The following FAM227B variants were observed in gnomAD, a reference collection of about 807,000 sequenced individuals.
FAM227B encodes the protein protein FAM227B.
FAM227B carries 88 observed loss-of-function variants against 73.8 expected under a neutral mutation model. The ratio of observed to expected loss-of-function variants is 1.19; its 90% CI spans 1.00 to 1.42. The LOEUF (loss-of-function observed/expected upper bound fraction) is 1.42, where lower values mean the gene tolerates loss of function less well. Ranked by LOEUF, FAM227B falls within the 40% of genes most tolerant of loss-of-function variation. The probability of loss-of-function intolerance (pLI) is 0.00; values close to 1 mark genes in which losing one functional copy is unlikely to be tolerated. For synonymous variants in FAM227B, 210 were observed against 190.5 expected, an observed-to-expected ratio of 1.10 and a Z score of -0.84; for missense variants, 632 against 590.9, an observed-to-expected ratio of 1.07 and a Z score of -0.72.
intron 9 of FAM227B, among the ~76,000 whole-genome samples, chr15:49,557,785 A>G (rs559173071): frequency 8.5e-5 from 13 of 152,210 alleles, no homozygotes; most frequent in Non-Finnish European, 1.6e-4. Context: ...GAGCCTCCAG[A>G]TTGAGATGGA....
intron 11 of FAM227B, among the ~76,000 whole-genome samples, chr15:49,479,243 T>TTG (rs2055655973): frequency 6.6e-6 from 1 of 151,628 alleles, no homozygotes; most frequent in Non-Finnish European, 1.5e-5. Context: ...CATGAGCTGA[T>TTG]TCTCTCTCTC....
At chr15:49,510,657 T>G (rs1313927689) in intron 10 of FAM227B, among the ~76,000 whole-genome samples, 4 of 152,138 alleles carry the variant, frequency 2.6e-5, no homozygotes, top group Non-Finnish European at 5.9e-5. Flanking sequence ...GAGATTCAAT[T>G]TACATGTCTC....
chr15:49,501,424 C>T (rs2058122502), intron 11 of FAM227B, among the ~76,000 whole-genome samples: 1 of 152,172 alleles, frequency 6.6e-6, no homozygotes, highest in South Asian at 2.1e-4. Flanking sequence ...TGCATTGTTT[C>T]CCTGCCCTAG....
At chr15:49,461,754 T>G (rs906726370) in intron 11 of FAM227B, among the ~76,000 whole-genome samples, 8 of 152,266 alleles carry the variant, frequency 5.3e-5, no homozygotes, top group Non-Finnish European at 7.3e-5. Flanking sequence ...AGATACCATG[T>G]GAAATTCAAG....
intron 13 of FAM227B, chr15:49,344,319 T>A (rs1158403033): frequency 6.6e-6 from 1 of 151,966 alleles, no homozygotes; most frequent in African/African-American, 2.4e-5. Flanking sequence ...AATGGTATGG[T>A]TGCTTTCTTT....
chr15:49,384,815 T>C (rs2046777363), intron 11 of FAM227B, among the ~76,000 whole-genome samples: 1 of 152,042 alleles, frequency 6.6e-6, no homozygotes, highest in Non-Finnish European at 1.5e-5. Context: ...CCTTATCTTA[T>C]TTTCTTGCTG....
intron 11 of FAM227B, among the ~76,000 whole-genome samples, chr15:49,435,135 T>C (rs1037926078): frequency 4.6e-5 from 7 of 151,592 alleles, no homozygotes; most frequent in Non-Finnish European, 1.0e-4. Flanking sequence ...AAGGCATAAG[T>C]GTGAAAAAAA....
At chr15:49,591,267 G>C (rs1238404084) in intron 3 of FAM227B, among the ~76,000 whole-genome samples, 1 of 150,390 alleles carries the variant, frequency 6.6e-6, no homozygotes, top group African/African-American at 2.4e-5. Flanking sequence ...GTAGAGACGG[G>C]GTTTGTGTTA....
chr15:49,503,759 TA>T (rs975102133), intron 11 of FAM227B, among the ~76,000 whole-genome samples: 1 of 152,112 alleles, frequency 6.6e-6, no homozygotes, highest in Non-Finnish European at 1.5e-5. Context: ...TGGTGATCAT[TA>T]AAAAGTCAGG....
intron 11 of FAM227B, among the ~76,000 whole-genome samples, chr15:49,412,655 C>T (rs554651067): frequency 1.6e-4 from 25 of 151,924 alleles, no homozygotes; most frequent in Middle Eastern, 3.4e-3. Context: ...GTTTGACTTC[C>T]GATATCATGT....
chr15:49,372,427 G>T (rs1180029226), intron 11 of FAM227B, among the ~76,000 whole-genome samples: 1 of 152,152 alleles, frequency 6.6e-6, no homozygotes, highest in Non-Finnish European at 1.5e-5. Flanking sequence ...AGTAGAAGGA[G>T]AGGACATAAA....
rs1055254 is a variant in FAM227B at position 49,328,003 on chromosome 15, C to T, written c.*565G>A. The T allele has an allele frequency of 0.23, 365,466 of 1,613,250 alleles. 42,877 individuals are homozygous for T. Among genetic ancestry groups the T allele is most frequent in the Middle Eastern group, 0.29 (1,777 of 6,056 alleles). On this transcript the variant is annotated 3_prime_UTR_variant, in exon 16 of 16. Coordinates refer to ENST00000299338, the MANE Select transcript of FAM227B (RefSeq NM_152647.3). The stretch of plus-strand genomic sequence containing the variant: ...TTACTGGAGCAGGATGGGGAGGCTG[C>T]ACAGTATCAATGGTACCTGCGGACA...
At chr15:49,592,220 G>A (rs989883902) in intron 3 of FAM227B, among the ~76,000 whole-genome samples, 1 of 152,044 alleles carries the variant, frequency 6.6e-6, no homozygotes, top group Non-Finnish European at 1.5e-5. Context: ...GCTGGCAAGG[G>A]GCTGAGATCC....
chr15:49,329,810 A>AG (rs2038271318), intron 15 of FAM227B: 30 of 843,978 alleles, frequency 3.6e-5, no homozygotes, highest in Non-Finnish European at 4.3e-5. Context: ...TCAGTGTAAA[A>AG]AAAAAAAAAA....
intron 11 of FAM227B, among the ~76,000 whole-genome samples, chr15:49,395,725 T>C (rs1215807078): frequency 6.6e-6 from 1 of 152,236 alleles, no homozygotes; most frequent in Non-Finnish European, 1.5e-5. Flanking sequence ...TGATGTCTTT[T>C]ACAGTTCTTA....
chr15:49,518,681 A>C (rs964451583), intron 10 of FAM227B, among the ~76,000 whole-genome samples: 1 of 152,082 alleles, frequency 6.6e-6, no homozygotes, highest in Non-Finnish European at 1.5e-5. Context: ...GGAAAAAAAA[A>C]CACTCCCATG....
chr15:49,558,289 T>C (rs2073931197), intron 9 of FAM227B, among the ~76,000 whole-genome samples: 1 of 152,194 alleles, frequency 6.6e-6, no homozygotes, highest in African/African-American at 2.4e-5. Flanking sequence ...TAAACACCTG[T>C]TGTCAGTCAC....
intron 11 of FAM227B, among the ~76,000 whole-genome samples, chr15:49,427,152 G>A (rs2050200948): frequency 6.6e-6 from 1 of 151,966 alleles, no homozygotes; most frequent in Non-Finnish European, 1.5e-5. Context: ...AAGAGTGAAT[G>A]TCCAATTGTG....
chr15:49,585,612 T>C (rs1400322485), intron 5 of FAM227B, among the ~76,000 whole-genome samples: 1 of 152,044 alleles, frequency 6.6e-6, no homozygotes, highest in East Asian at 1.9e-4. Flanking sequence ...AAACACTGCA[T>C]GTTCTCACTT....
Sources: allele counts gnomAD v4.1 joint callset (sites outside exome capture counted in the v4.1 genomes callset), GRCh38; gene constraint gnomAD v4.1.1; transcripts MANE v1.5; gene names NCBI Gene and HGNC (gene_info 2026-07-23, HGNC 2026-07-21).